Variants in PITPNM2 observed in about 807,000 individuals in gnomAD.
PITPNM2 encodes membrane-associated phosphatidylinositol transfer protein 2.
A neutral mutation model predicts 132.2 loss-of-function variants in PITPNM2; 35 were observed. That is an observed-to-expected ratio of 0.26 (90% CI 0.20 to 0.35). PITPNM2 has a LOEUF of 0.35. Among genes scored for constraint, PITPNM2 ranks in the 10% least tolerant of loss-of-function variants. The pLI, the probability that PITPNM2 is intolerant of heterozygous loss-of-function variation, is 1.00. For missense variants in PITPNM2, 1,332 were observed against 1,912.0 expected (o/e 0.70, Z 5.66); for synonymous variants, 738 against 799.2 (o/e 0.92, Z 1.29).
intron 1 of PITPNM2, among the ~76,000 whole-genome samples, chr12:123,146,772 C>T (rs541471514): frequency 4.6e-5 from 7 of 152,172 alleles, no homozygotes; most frequent in African/African-American, 1.7e-4. Context: ...ATACTCATTT[C>T]ACAGGAAACA....
At chr12:123,109,798 G>C (rs2042798617) in intron 2 of PITPNM2, among the ~76,000 whole-genome samples, 1 of 152,226 alleles carries the variant, frequency 6.6e-6, no homozygotes, top group South Asian at 2.1e-4. Context: ...AGCAGCCGTT[G>C]GGGCCTCAAA....
chr12:123,037,326 G>A (rs1049656409), intron 2 of PITPNM2, among the ~76,000 whole-genome samples: 4 of 152,192 alleles, frequency 2.6e-5, no homozygotes, highest in Admixed American at 6.5e-5. Flanking sequence ...GGTTGGAGAC[G>A]GGAAGGGAAA....
At chr12:123,109,231 G>C (rs1421477744) in intron 2 of PITPNM2, among the ~76,000 whole-genome samples, 5 of 152,152 alleles carry the variant, frequency 3.3e-5, no homozygotes, top group East Asian at 1.9e-4. Context: ...ACAGGAGAAG[G>C]GTTCATCAAC....
At position 123,005,532 on chromosome 12, in the gene PITPNM2, C is replaced by CA; in HGVS notation, c.659dup (p.Met220IlefsTer37). The CA allele has an allele frequency of 6.2e-7, 1 of 1,613,508 alleles. No homozygotes were observed. The highest frequency in any genetic ancestry group is 8.5e-7 in the Non-Finnish European group (1 of 1,179,916). ...ACCAGGCCTGCCGGTGAGCCCGCAC[C>CA]ATCACCCTCCGTAGTCCTGTGCCCC... is the stretch of plus-strand genomic sequence containing the variant. On this transcript the variant is annotated frameshift_variant, in exon 7 of 26. Transcript: ENST00000320201. LOFTEE classifies it high-confidence loss of function. This position sits in a 1 kb window ranked among gnomAD's most constrained non-coding sequence, Gnocchi z 6.2.
chr12:123,125,828 C>T (rs1281187954), intron 1 of PITPNM2, among the ~76,000 whole-genome samples: 3 of 107,730 alleles, frequency 2.8e-5, no homozygotes, highest in Admixed American at 1.2e-4. Context: ...GGCGACAGAG[C>T]GAGACTCTGT....
At chr12:123,015,474 G>A (rs903340696) in intron 3 of PITPNM2, among the ~76,000 whole-genome samples, 1 of 152,110 alleles carries the variant, frequency 6.6e-6, no homozygotes, top group Admixed American at 6.6e-5. Context: ...AAATGGTGCT[G>A]GGACAATTGA....
intron 1 of PITPNM2, among the ~76,000 whole-genome samples, chr12:123,134,357 CCT>C (rs1285134803): frequency 6.6e-5 from 10 of 152,160 alleles, no homozygotes; most frequent in Non-Finnish European, 1.2e-4. Flanking sequence ...GGTGACCACC[CCT>C]GAGCCATATG....
intron 2 of PITPNM2, among the ~76,000 whole-genome samples, chr12:123,096,524 G>C (rs2042414333): frequency 6.6e-6 from 1 of 152,200 alleles, no homozygotes; most frequent in Non-Finnish European, 1.5e-5. Context: ...GGGAAGATGG[G>C]GAGGGGGGCG....
rs1434404294 is a variant in PITPNM2 at position 123,082,162 on chromosome 12, CT to C, written c.-96+28222del. Among the ~76,000 whole-genome samples, 1 of 152,218 alleles carries C rather than the reference CT, an allele frequency of 6.6e-6. No homozygotes were observed. Among genetic ancestry groups the C allele is most frequent in the African/African-American group, 2.4e-5 (1 of 41,460 alleles). On this transcript the variant is annotated intron_variant, in intron 2 of 25. Transcript: ENST00000320201. This position sits in a 1 kb window ranked among gnomAD's most constrained non-coding sequence, Gnocchi z 5.4. ...AGAGTGAGGGCCTGCAGGCTCTGCC[CT>C]GCCACCTCTCCGCCCTGGCAAGGCC...
At chr12:123,065,399 G>C (rs1335689701) in intron 2 of PITPNM2, among the ~76,000 whole-genome samples, 1 of 152,246 alleles carries the variant, frequency 6.6e-6, no homozygotes, top group Admixed American at 6.5e-5. Context: ...GCCCAGAGCA[G>C]GTGCACAGCA....
chr12:123,005,581 G>A lies in PITPNM2; in HGVS notation c.644-33C>T, dbSNP rs374613858. The A allele has an allele frequency of 2.7e-5, 43 of 1,592,734 alleles. No individual in the cohort carries two copies. The highest frequency in any genetic ancestry group is 3.4e-5 in the Admixed American group (2 of 59,552). ...CCATGGGGATCAGAGAGGGAGAGAC[G>A]AGGGGAGGGAGGTCAGCGCAGGAGC... On this transcript the variant is annotated intron_variant, in intron 6 of 25. Transcript: ENST00000320201. The surrounding 1 kb of genome is among the most constrained non-coding windows in gnomAD (Gnocchi z 6.2).
chr12:123,040,167 T>C (rs937673809), intron 2 of PITPNM2, among the ~76,000 whole-genome samples: 3 of 152,190 alleles, frequency 2.0e-5, no homozygotes, highest in Non-Finnish European at 2.9e-5. Context: ...AAAAAATTAA[T>C]GACTTTAACC....
intron 17 of PITPNM2, 122 bp from the exon 18 acceptor site, chr12:122,990,070 TG>T: frequency 1.2e-6 from 1 of 824,632 alleles, no homozygotes; most frequent in Non-Finnish European, 1.7e-6. Flanking sequence ...GCGAGCCCAT[TG>T]GCCCTCCTCA....
chr12:122,996,819 G>C lies in PITPNM2; in HGVS notation c.1564C>G (p.Pro522Ala), dbSNP rs2038450225. 1.9e-6 allele frequency: 3 copies of C among 1,602,378 alleles called. No homozygotes were observed. Among genetic ancestry groups the C allele is most frequent in the African/African-American group, 1.3e-5 (1 of 74,114 alleles). ...AALPLLATSS[P>A]QYQEAVATVI... ...GTGGCAACTGCCTCCTGGTACTGGG[G>C]GGAGGAGGTGGCCAGCAGGGGGAGG... is the stretch of plus-strand genomic sequence containing the variant. Residue 522 changes from proline (P) to alanine (A), a missense_variant, in exon 12 of 26, where the codon CCC becomes GCC. By Grantham distance (27) the Pro-to-Ala change is conservative. Coordinates refer to ENST00000320201, the MANE Select transcript of PITPNM2 (RefSeq NM_020845.3).
chr12:123,127,566 T>C (rs1487439493), intron 1 of PITPNM2, among the ~76,000 whole-genome samples: 1 of 152,184 alleles, frequency 6.6e-6, no homozygotes, highest in Non-Finnish European at 1.5e-5. Context: ...AACATTCATT[T>C]TGCAACCTCC....
chr12:123,031,769 C>T lies in PITPNM2; in HGVS notation c.78+2744G>A, dbSNP rs377617327. 1.3e-5 allele frequency among the ~76,000 whole-genome samples: 2 copies of T among 152,222 alleles called. No individual in the cohort carries two copies. The highest frequency in any genetic ancestry group is 6.5e-5 in the Admixed American group (1 of 15,286). Reference sequence around the variant, plus strand: ...GTGCCTGTCACAGAAGCACCTCTCCCGGCAATACCTGGTTTCTTTCACCTT... The same window carrying T: ...GTGCCTGTCACAGAAGCACCTCTCCTGGCAATACCTGGTTTCTTTCACCTT... On this transcript the variant is annotated intron_variant, in intron 3 of 25. Transcript: ENST00000320201. The surrounding 1 kb of genome is among the most constrained non-coding windows in gnomAD (Gnocchi z 4.5).
At chr12:123,039,816 A>T (rs540179207) in intron 2 of PITPNM2, among the ~76,000 whole-genome samples, 1 of 152,284 alleles carries the variant, frequency 6.6e-6, no homozygotes, top group South Asian at 2.1e-4. Context: ...TTGCCACTCA[A>T]TTTTGCTGTG....
intron 10 of PITPNM2, among the ~76,000 whole-genome samples, chr12:122,998,571 G>C (rs923600091): frequency 6.6e-6 from 1 of 152,220 alleles, no homozygotes; most frequent in African/African-American, 2.4e-5. Context: ...GGCCTGAGAG[G>C]GGCCACTGAT....
intron 3 of PITPNM2, among the ~76,000 whole-genome samples, chr12:123,019,626 A>AAAT (rs1341716223): frequency 6.6e-6 from 1 of 152,202 alleles, no homozygotes; most frequent in Non-Finnish European, 1.5e-5. Context: ...CCCATCAGCC[A>AAAT]AATAGTTAAA....
Sources: gnomAD v4.1 joint callset for allele counts (sites outside exome capture counted in the v4.1 genomes callset) on GRCh38, gnomAD v4.1.1 for gene constraint, Gnocchi (gnomAD v3.1) non-coding constraint, MANE v1.5 for transcripts, NCBI Gene and HGNC (gene_info 2026-07-23, HGNC 2026-07-21) for gene names.